The following IFT80 variants were observed in gnomAD, a reference collection of about 807,000 sequenced individuals.
IFT80 encodes the protein intraflagellar transport 80.
In IFT80, 79 loss-of-function variants were observed where a neutral mutation model predicts 107.9. That is an observed-to-expected ratio of 0.73 (90% CI 0.61 to 0.88). IFT80 has a LOEUF of 0.88. Ranked by LOEUF, IFT80 falls within the 40% of genes least tolerant of loss-of-function variation. IFT80 has a pLI of 0.00. For missense variants in IFT80, 797 were observed against 914.2 expected (o/e 0.87, Z 1.65); for synonymous variants, 299 against 300.9 (o/e 0.99, Z 0.07).
intron 3 of IFT80, among the ~76,000 whole-genome samples, chr3:160,378,042 A>G (rs921717291): frequency 6.6e-6 from 1 of 152,122 alleles, no homozygotes; most frequent in African/African-American, 2.4e-5. Flanking sequence ...TAATTAGCTT[A>G]TGTCCTTTAA....
chr3:160,293,278 C>T (rs1715711987), intron 12 of IFT80, among the ~76,000 whole-genome samples: 1 of 152,132 alleles, frequency 6.6e-6, no homozygotes, highest in African/African-American at 2.4e-5. Context: ...ACCTCAGAGG[C>T]CTAAACTTGA....
In IFT80 at chr3:160,301,581, A is replaced by T. The variant is rs575298323; in HGVS notation, c.1152-535T>A. Among the ~76,000 whole-genome samples, 39 of 152,124 alleles carry T rather than the reference A, an allele frequency of 2.6e-4. No homozygotes were observed. The South Asian group carries it at 7.4e-3, about 29-fold the overall frequency. ...ATTAAAATAAGGCAGTTGTGACTTT[A>T]AAATCATATGGTGACTATCAGTATG... On this transcript the variant is annotated intron_variant, in intron 11 of 19. Coordinates refer to ENST00000326448, the MANE Select transcript of IFT80 (RefSeq NM_020800.3).
In IFT80 at chr3:160,274,097, G is replaced by C. The variant is rs540789263; in HGVS notation, c.2099+3209C>G. ...GGGAACAGGATATAAGGATAGCAGG[G>C]AAAGTTTGAGGTCTCAGCAAAAAAT... On this transcript the variant is annotated intron_variant, in intron 18 of 19. Transcript: ENST00000326448. Among the ~76,000 whole-genome samples the C allele has an allele frequency of 1.2e-4, 18 of 152,290 alleles. No homozygotes were observed. In the South Asian group the frequency reaches 3.5e-3, roughly 30 times the overall value.
At chr3:160,355,990 GA>G (rs1275492664) in intron 8 of IFT80, 22 bp downstream of exon 8, 2 of 1,613,420 alleles carry the variant, frequency 1.2e-6, no homozygotes, top group Non-Finnish European at 1.7e-6. Flanking sequence ...GCACATCTGT[GA>G]TTGCTCACCA....
At chr3:160,390,038 G>A (rs1014101392) in intron 1 of IFT80, among the ~76,000 whole-genome samples, 1 of 152,166 alleles carries the variant, frequency 6.6e-6, no homozygotes. Flanking sequence ...AGAATCAACT[G>A]TCCAGATACA....
intron 5 of IFT80, among the ~76,000 whole-genome samples, chr3:160,372,088 T>C (rs981690585): frequency 6.6e-6 from 1 of 152,210 alleles, no homozygotes; most frequent in Non-Finnish European, 1.5e-5. Flanking sequence ...TGACTAAAGC[T>C]TTTTCTATCT....
chr3:160,275,067 T>C (rs1268627211), intron 18 of IFT80, among the ~76,000 whole-genome samples: 10 of 152,234 alleles, frequency 6.6e-5, no homozygotes. Context: ...AATTTCCTCA[T>C]TTGTAAAATG....
At chr3:160,345,406 T>C (rs1017902232) in intron 8 of IFT80, among the ~76,000 whole-genome samples, 2 of 151,878 alleles carry the variant, frequency 1.3e-5, no homozygotes, top group Non-Finnish European at 2.9e-5. Context: ...CTCATGGAGA[T>C]AGAGAGTAGA....
At chr3:160,381,411 A>G in intron 3 of IFT80, 92 bp downstream of exon 3, 1 of 948,292 alleles carries the variant, frequency 1.1e-6, no homozygotes, top group Non-Finnish European at 1.7e-6. Flanking sequence ...AGATCCACAA[A>G]TACCAGTTTT....
intron 1 of IFT80, among the ~76,000 whole-genome samples, chr3:160,396,200 A>T (rs1713764826): frequency 6.6e-6 from 1 of 152,130 alleles, no homozygotes; most frequent in African/African-American, 2.4e-5. Context: ...TTTCGGTGAT[A>T]AGTTATGTGT....
intron 19 of IFT80, among the ~76,000 whole-genome samples, chr3:160,266,549 A>G (rs1435168288): frequency 2.6e-5 from 4 of 151,936 alleles, no homozygotes; most frequent in Non-Finnish European, 5.9e-5. Flanking sequence ...ATGTCCAGCT[A>G]ATTTTTAAAT....
chr3:160,298,679 C>T (rs1716178162), intron 12 of IFT80, among the ~76,000 whole-genome samples: 1 of 152,124 alleles, frequency 6.6e-6, no homozygotes, highest in Non-Finnish European at 1.5e-5. Flanking sequence ...GAGAAATGTG[C>T]CGTTAGGCAA....
chr3:160,302,649 T>G (rs1716528740), intron 11 of IFT80, among the ~76,000 whole-genome samples: 1 of 152,094 alleles, frequency 6.6e-6, no homozygotes, highest in South Asian at 2.1e-4. Flanking sequence ...ATAAATAATG[T>G]ATAAATGAAT....
At chr3:160,365,981 G>A in intron 6 of IFT80, 62 bp downstream of exon 6, 1 of 1,225,624 alleles carries the variant, frequency 8.2e-7, no homozygotes, top group Admixed American at 1.7e-5. Context: ...TCCTAAGCAA[G>A]TGCCCTCTAG....
intron 12 of IFT80, among the ~76,000 whole-genome samples, chr3:160,300,220 C>T (rs1277230361): frequency 6.6e-6 from 1 of 151,988 alleles, no homozygotes; most frequent in Non-Finnish European, 1.5e-5. Flanking sequence ...TTTTTATTTG[C>T]TAATTTTGTT....
chr3:160,388,522 A>G (rs1303034570), intron 1 of IFT80, among the ~76,000 whole-genome samples: 3 of 150,552 alleles, frequency 2.0e-5, no homozygotes, highest in Non-Finnish European at 4.4e-5. Flanking sequence ...GGTCTCAGAA[A>G]GATGTCATGT....
chr3:160,268,422 A>G lies in IFT80; in HGVS notation c.2214T>C (p.Tyr738=). The G allele has an allele frequency of 6.2e-7, 1 of 1,612,712 alleles. No homozygotes were observed. Among genetic ancestry groups the G allele is most frequent in the Non-Finnish European group, 8.5e-7 (1 of 1,178,818 alleles). ...KQETNKRYLH[Y]AEGLQIDWEK... ...ATTGTGAAATACTTACACCTTCTGCATAATGCAAGTATCGTTTATTAGTTT... is the reference window on the plus strand; with the variant it reads ...ATTGTGAAATACTTACACCTTCTGCGTAATGCAAGTATCGTTTATTAGTTT... Residue 738 remains tyrosine, a synonymous_variant, in exon 19 of 20, where the codon TAT becomes TAC. Transcript: ENST00000326448.
intron 1 of IFT80, among the ~76,000 whole-genome samples, chr3:160,395,589 G>A (rs923149274): frequency 1.2e-4 from 19 of 152,198 alleles, no homozygotes; most frequent in Non-Finnish European, 1.0e-4. Context: ...CAATGCTGGG[G>A]AAGAGAAACT....
intron 8 of IFT80, among the ~76,000 whole-genome samples, chr3:160,342,069 A>G (rs1719936444): frequency 6.6e-6 from 1 of 152,180 alleles, no homozygotes; most frequent in Non-Finnish European, 1.5e-5. Context: ...TTTATATTTA[A>G]AAACAAAGAA....
Sources: allele counts gnomAD v4.1 joint callset (sites outside exome capture counted in the v4.1 genomes callset), GRCh38; gene constraint gnomAD v4.1.1; transcripts MANE v1.5; gene names NCBI Gene and HGNC (gene_info 2026-07-23, HGNC 2026-07-21).